Variants in PCNX3 observed in about 807,000 individuals in gnomAD.
The protein encoded by PCNX3 is pecanex-like protein 3.
PCNX3 carries 58 observed loss-of-function variants against 207.2 expected under a neutral mutation model. The observed-to-expected ratio is 0.28, with a 90% CI of 0.23 to 0.35. The LOEUF (loss-of-function observed/expected upper bound fraction) is 0.35, where lower values mean the gene tolerates loss of function less well. Among genes scored for constraint, PCNX3 ranks in the 10% least tolerant of loss-of-function variants. The pLI is 1.00. For synonymous variants in PCNX3, 1,337 were observed against 1,183.5 expected, an observed-to-expected ratio of 1.13 and a Z score of -2.66; for missense variants, 2,410 against 2,774.4, an observed-to-expected ratio of 0.87 and a Z score of 2.95.
chr11:65,634,731 C>T, intron 29 of PCNX3, 90 bp downstream of exon 29: 3 of 1,308,916 alleles, frequency 2.3e-6, no homozygotes, highest in Non-Finnish European at 2.1e-6. Context: ...ACAGTGGCCA[C>T]AGAAACTGCA....
rs1310177328 is a variant in PCNX3 at position 65,624,379 on chromosome 11, C to T, written c.2716+13C>T. On this transcript the variant is annotated intron_variant, in intron 14 of 34. Transcript: ENST00000355703. The stretch of plus-strand genomic sequence containing the variant: ...GACGTGGCCACTGGTGAGGCTGGGG[C>T]AGGGATGAGGTGGCCCAGGAGAGTG... The T allele has an allele frequency of 6.4e-7, 1 of 1,552,608 alleles. No homozygotes were observed. The highest frequency in any genetic ancestry group is 8.7e-7 in the Non-Finnish European group (1 of 1,147,572).
chr11:65,633,634 T>C (rs1855707382), intron 27 of PCNX3, among the ~76,000 whole-genome samples: 1 of 152,240 alleles, frequency 6.6e-6, no homozygotes, highest in Non-Finnish European at 1.5e-5. Context: ...GCCCACGTGC[T>C]GCACAGGCAC....
intron 28 of PCNX3, 88 bp downstream of exon 28, chr11:65,634,444 T>A: frequency 5.3e-6 from 8 of 1,507,988 alleles, no homozygotes; most frequent in Non-Finnish European, 7.2e-6. Context: ...TTCCTCTCAC[T>A]CTGAGCCTCC....
intron 9 of PCNX3, 42 bp downstream of exon 9, chr11:65,620,471 G>T (rs1398982677): frequency 1.3e-6 from 2 of 1,596,150 alleles, no homozygotes; most frequent in Non-Finnish European, 1.7e-6. Flanking sequence ...TGTCTTGGTG[G>T]CCTGCATCTC....
rs753839375 is a variant in PCNX3, at chr11:65,627,595, C to T, written c.3702+13C>T. 1.2e-6 allele frequency: 2 copies of T among 1,613,154 alleles called. No homozygotes were observed. Among genetic ancestry groups the T allele is most frequent in the Non-Finnish European group, 8.5e-7 (1 of 1,179,486 alleles). ...GCTTTGCAGCAAGGTGAGTTGGTGG[C>T]TGTGGCCCAGACCCCAGGCTGTCCA... On this transcript the variant is annotated intron_variant, in intron 22 of 34. Coordinates refer to ENST00000355703, the MANE Select transcript of PCNX3 (RefSeq NM_032223.4).
In PCNX3 at chr11:65,617,030, G is replaced by A; in HGVS notation, c.341+19G>A. On this transcript the variant is annotated intron_variant, in intron 2 of 34. Transcript: ENST00000355703. ...CACCCAGGTGGGTGGGGTAGGGGCT[G>A]TGCTGGGGATTGAGGGTTTTTGGTG... 2 of 1,586,444 alleles carry A rather than the reference G, an allele frequency of 1.3e-6. No homozygotes were observed. The highest frequency in any genetic ancestry group is 1.7e-6 in the Non-Finnish European group (2 of 1,165,988).
At position 65,619,634 on chromosome 11, in the gene PCNX3, A is replaced by C; in HGVS notation, c.1803A>C (p.Pro601=). Residue 601 remains proline, a synonymous_variant, in exon 7 of 35, where the codon CCA becomes CCC. Transcript: ENST00000355703. ...ATGCAGGCAGCAACCCCACCCCTCC[A>C]GCCTCTGTCATGGGCTCGCCGCCCA... is the stretch of plus-strand genomic sequence containing the variant. ...RHNAGSNPTP[P]ASVMGSPPSS... 9 of 1,602,648 alleles carry C rather than the reference A, an allele frequency of 5.6e-6. No homozygotes were observed. Among genetic ancestry groups the C allele is most frequent in the Non-Finnish European group, 6.8e-6 (8 of 1,178,472 alleles).
chr11:65,628,998 G>C, intron 24 of PCNX3, 50 bp downstream of exon 24: 1 of 1,597,724 alleles, frequency 6.3e-7, no homozygotes, highest in East Asian at 2.2e-5. Flanking sequence ...GGAAGGGAGA[G>C]GTTTGGAGCC....
chr11:65,632,589 C>T (rs1855660125), intron 27 of PCNX3, among the ~76,000 whole-genome samples: 1 of 127,372 alleles, frequency 7.9e-6, no homozygotes, highest in Admixed American at 9.3e-5. Flanking sequence ...AGTGAGCGCT[C>T]ACAGGCGGAG....
In PCNX3 at chr11:65,625,667, T is replaced by A; in HGVS notation, c.3151T>A (p.Ser1051Thr). 1 of 1,613,112 alleles carries A rather than the reference T, an allele frequency of 6.2e-7. No individual in the cohort carries two copies. Among genetic ancestry groups the A allele is most frequent in the Non-Finnish European group, 8.5e-7 (1 of 1,179,786 alleles). ...GGCCCTGCAGCGTGAGGTCTTGCAC[T>A]CCGACCTGGTGATGTGTGTGGTGAT... ...MRQSVREVLHSDLVMCVVIAV... is the reference protein window; with the variant it reads ...MRQSVREVLHTDLVMCVVIAV... Residue 1051 changes from serine to threonine, a missense_variant, in exon 19 of 35, where the codon TCC (serine) becomes ACC (threonine). Ser to Thr is a moderately conservative substitution (Grantham distance 58). Around this residue, in one of 8 missense-constraint regions of PCNX3, gnomAD observed 333 missense variants for 386.8 expected, o/e 0.86. Transcript: ENST00000355703. The surrounding 1 kb of genome is among the most constrained non-coding windows in gnomAD (Gnocchi z 5.6).
Position 65,619,527 on chromosome 11 carries a change from C to G in PCNX3, c.1706-10C>G, listed in dbSNP as rs901667066. 1 of 1,611,086 alleles carries G rather than the reference C, an allele frequency of 6.2e-7. No individual in the cohort carries two copies. Among genetic ancestry groups the G allele is most frequent in the African/African-American group, 1.3e-5 (1 of 74,936 alleles). ...CTGTCACTTACACTTGGGGGCCTCT[C>G]TCTGGGCAGCGGCCGAGGAGACTGG... On this transcript the variant is annotated splice_polypyrimidine_tract_variant and intron_variant, in intron 6 of 34. Transcript: ENST00000355703.
intron 12 of PCNX3, 78 bp downstream of exon 12, chr11:65,623,722 G>T: frequency 6.4e-7 from 1 of 1,563,986 alleles, no homozygotes; most frequent in South Asian, 1.2e-5. Context: ...CAGTTTTAAG[G>T]AGTATAAGCT....
chr11:65,632,251 G>A (rs1031504520), intron 27 of PCNX3, among the ~76,000 whole-genome samples: 4 of 151,840 alleles, frequency 2.6e-5, no homozygotes, highest in East Asian at 2.0e-4. Context: ...GGGTGGCTCC[G>A]CTGAGGATGT....
At position 65,637,076 on chromosome 11, in the gene PCNX3, A is replaced by G; in HGVS notation, c.*98A>G. On this transcript the variant is annotated 3_prime_UTR_variant, in exon 35 of 35. Transcript: ENST00000355703. ...ACAGAACTGAGTGGCTTTGGCCTAC[A>G]TGTCTGAACCCTGACCTTTGGCTGC... The G allele has an allele frequency of 7.4e-7, 1 of 1,347,496 alleles. No individual in the cohort carries two copies. The highest frequency in any genetic ancestry group is 1.0e-6 in the Non-Finnish European group (1 of 991,250). The allele number at this position is 1,347,496 out of a possible 1,614,324, so 83.5% of individuals were successfully genotyped here.
intron 8 of PCNX3, 142 bp from the exon 9 acceptor site, chr11:65,620,197 T>C: frequency 2.1e-6 from 2 of 944,158 alleles, no homozygotes; most frequent in Non-Finnish European, 3.1e-6. Flanking sequence ...CTGTAGGCCC[T>C]TTCCTCTCCA....
chr11:65,617,075 G>C, intron 2 of PCNX3, 64 bp downstream of exon 2: 1 of 1,489,782 alleles, frequency 6.7e-7, no homozygotes, highest in South Asian at 1.2e-5. Flanking sequence ...GAACCTTGCA[G>C]GGTGGAGTAG....
At chr11:65,617,815 A>AC (rs1231566583) in intron 5 of PCNX3, 109 bp downstream of exon 5, 1 of 1,466,648 alleles carries the variant, frequency 6.8e-7, no homozygotes, top group Admixed American at 2.0e-5. Context: ...CCTCTGTGGG[A>AC]CCTCCCCAGT....
Position 65,619,625 on chromosome 11 carries a change from C to A in PCNX3, c.1794C>A (p.Pro598=). 1 of 1,603,122 alleles carries A rather than the reference C, an allele frequency of 6.2e-7. No individual in the cohort carries two copies. Among genetic ancestry groups the A allele is most frequent in the Non-Finnish European group, 8.5e-7 (1 of 1,178,414 alleles). ...IRRRHNAGSN[P]TPPASVMGSP... Reference sequence around the variant, plus strand: ...GACGCCACAATGCAGGCAGCAACCCCACCCCTCCAGCCTCTGTCATGGGCT... The same window carrying A: ...GACGCCACAATGCAGGCAGCAACCCAACCCCTCCAGCCTCTGTCATGGGCT... Residue 598 remains proline, a synonymous_variant, in exon 7 of 35, where the codon CCC becomes CCA. Transcript: ENST00000355703.
chr11:65,622,431 C>T (rs1234245746), intron 11 of PCNX3, 65 bp downstream of exon 11: 3 of 1,510,448 alleles, frequency 2.0e-6, no homozygotes, highest in Non-Finnish European at 2.7e-6. Flanking sequence ...TCCCCAGACT[C>T]TGTACCTGTG....
Sources: allele counts gnomAD v4.1 joint callset (sites outside exome capture counted in the v4.1 genomes callset), GRCh38; gene constraint gnomAD v4.1.1; regional missense constraint gnomAD v4.1.1; non-coding constraint Gnocchi (gnomAD v3.1); transcripts MANE v1.5; gene names NCBI Gene and HGNC (gene_info 2026-07-23, HGNC 2026-07-21).